C1orf87: variants seen among roughly 807,000 people sequenced by gnomAD.
The protein encoded by C1orf87 is uncharacterized protein C1orf87.
C1orf87 carries 58 observed loss-of-function variants against 60.5 expected under a neutral mutation model. The ratio of observed to expected loss-of-function variants is 0.96; its 90% confidence interval spans 0.78 to 1.19. The LOEUF (loss-of-function observed/expected upper bound fraction) is 1.19. Ranked by LOEUF, C1orf87 falls within the 50% of genes most tolerant of loss-of-function variation. The pLI, the probability that C1orf87 is intolerant of heterozygous loss-of-function variation, is 0.00. For missense variants in C1orf87, 673 were observed against 638.6 expected (o/e 1.05, Z -0.58); for synonymous variants, 236 against 227.4 (o/e 1.04, Z -0.34).
At chr1:60,036,090 G>T (rs1645274196) in intron 6 of C1orf87, among the ~76,000 whole-genome samples, 1 of 152,164 alleles carries the variant, frequency 6.6e-6, no homozygotes, top group South Asian at 2.1e-4. Flanking sequence ...AAATTTCTAG[G>T]GCTTTATGGC....
At chr1:59,991,614 C>T (rs11207560) in intron 11 of C1orf87, among the ~76,000 whole-genome samples, 79,076 of 152,024 alleles carry the variant, frequency 0.52, 20,859 homozygotes, top group Non-Finnish European at 0.56. Context: ...ATGCAGAGGA[C>T]TGACTGTCCT....
intron 7 of C1orf87, among the ~76,000 whole-genome samples, chr1:60,031,431 C>T (rs534225176): frequency 2.0e-4 from 31 of 152,258 alleles, no homozygotes; most frequent in East Asian, 3.9e-4. Flanking sequence ...CTTTCAGGGA[C>T]GGCTGTGGGG....
At chr1:60,044,860 A>G (rs1314758027) in intron 3 of C1orf87, among the ~76,000 whole-genome samples, 2 of 152,196 alleles carry the variant, frequency 1.3e-5, no homozygotes, top group African/African-American at 2.4e-5. Flanking sequence ...CTTGGGGACC[A>G]ACACCATAGC....
chr1:60,002,914 G>A (rs1294080698), intron 9 of C1orf87, among the ~76,000 whole-genome samples: 25 of 150,758 alleles, frequency 1.7e-4, no homozygotes, highest in Admixed American at 9.3e-4. Flanking sequence ...TCAGTGTGGC[G>A]ATTCCTCAGG....
chr1:60,006,009 A>G (rs1411570164), intron 9 of C1orf87, among the ~76,000 whole-genome samples: 3 of 151,966 alleles, frequency 2.0e-5, no homozygotes, highest in Admixed American at 1.3e-4. Flanking sequence ...TCTTGGTTCA[A>G]TGATGGCCAT....
At chr1:59,995,910 C>T (rs1334517567) in intron 11 of C1orf87, among the ~76,000 whole-genome samples, 1 of 152,144 alleles carries the variant, frequency 6.6e-6, no homozygotes, top group Non-Finnish European at 1.5e-5. Flanking sequence ...TGTGTCTTAC[C>T]TAAAGGTAAG....
At chr1:60,010,891 TAA>T (rs1214347558) in intron 8 of C1orf87, 3 of 144,784 alleles carry the variant, frequency 2.1e-5, no homozygotes, top group African/African-American at 5.0e-5. Context: ...AATAAATAAA[TAA>T]ATAAATAAAT....
chr1:59,994,894 G>A (rs1459717075), intron 11 of C1orf87, among the ~76,000 whole-genome samples: 1 of 152,146 alleles, frequency 6.6e-6, no homozygotes, highest in Non-Finnish European at 1.5e-5. Flanking sequence ...ATGGTGGTCT[G>A]CTAAGTACTG....
intron 6 of C1orf87, among the ~76,000 whole-genome samples, chr1:60,036,063 T>C (rs1166789896): frequency 6.6e-6 from 1 of 152,176 alleles, no homozygotes; most frequent in African/African-American, 2.4e-5. Flanking sequence ...ATATGAAGGA[T>C]AGTTGCTGTT....
At chr1:59,998,868 C>A (rs921330117) in intron 10 of C1orf87, among the ~76,000 whole-genome samples, 1 of 152,100 alleles carries the variant, frequency 6.6e-6, no homozygotes, top group Non-Finnish European at 1.5e-5. Context: ...GTGTTAGAGT[C>A]TCTGGTTTTA....
At chr1:60,031,374 C>T (rs1357964350) in intron 7 of C1orf87, among the ~76,000 whole-genome samples, 2 of 152,174 alleles carry the variant, frequency 1.3e-5, no homozygotes, top group Non-Finnish European at 1.5e-5. Flanking sequence ...AGACCAGCTT[C>T]AAGGAAAATG....
At chr1:60,026,971 A>G (rs747135734) in intron 7 of C1orf87, among the ~76,000 whole-genome samples, 50 of 152,348 alleles carry the variant, frequency 3.3e-4, no homozygotes, top group Non-Finnish European at 6.2e-4. Context: ...TTCTGTCCCC[A>G]AGATAGCTCA....
intron 11 of C1orf87, among the ~76,000 whole-genome samples, chr1:59,997,333 A>G (rs1389488276): frequency 6.6e-6 from 1 of 152,122 alleles, no homozygotes; most frequent in Non-Finnish European, 1.5e-5. Flanking sequence ...TCTCTGAGGT[A>G]TTTTAATCAG....
intron 3 of C1orf87, among the ~76,000 whole-genome samples, chr1:60,044,025 G>A (rs1282994378): frequency 1.3e-5 from 2 of 152,126 alleles, no homozygotes; most frequent in Non-Finnish European, 1.5e-5. Flanking sequence ...CTTTTTGTTT[G>A]TTTGTTTTCT....
intron 2 of C1orf87, among the ~76,000 whole-genome samples, chr1:60,059,853 T>C (rs1426199295): frequency 6.6e-6 from 1 of 152,076 alleles, no homozygotes; most frequent in African/African-American, 2.4e-5. Context: ...GCCAACACAG[T>C]GAATGGGGAT....
At chr1:60,025,979 A>G (rs533993403) in intron 7 of C1orf87, among the ~76,000 whole-genome samples, 1 of 152,342 alleles carries the variant, frequency 6.6e-6, no homozygotes, top group East Asian at 1.9e-4. Flanking sequence ...AATGTCACAT[A>G]GCTAATAAGT....
intron 3 of C1orf87, among the ~76,000 whole-genome samples, chr1:60,046,580 A>T (rs967136466): frequency 4.6e-5 from 7 of 151,626 alleles, no homozygotes; most frequent in African/African-American, 1.7e-4. Context: ...TTAGGACTAG[A>T]GGTGCACACC....
chr1:60,015,659 TTG>T (rs1261214126), intron 8 of C1orf87, among the ~76,000 whole-genome samples: 1 of 152,184 alleles, frequency 6.6e-6, no homozygotes, highest in African/African-American at 2.4e-5. Context: ...TGGTGTCTTT[TTG>T]TGTGTCCAAA....
intron 11 of C1orf87, among the ~76,000 whole-genome samples, chr1:59,992,403 G>A (rs1235357245): frequency 1.3e-5 from 2 of 151,918 alleles, no homozygotes; most frequent in Admixed American, 6.6e-5. Context: ...TTGCAGGTAT[G>A]TGCCACCACT....
Sources: gnomAD v4.1 joint callset for allele counts (sites outside exome capture counted in the v4.1 genomes callset) on GRCh38, gnomAD v4.1.1 for gene constraint, MANE v1.5 for transcripts, NCBI Gene and HGNC (gene_info 2026-07-23, HGNC 2026-07-21) for gene names.